PCDH15: variants seen among roughly 807,000 people sequenced by gnomAD.
PCDH15 encodes the protein protocadherin related 15, also known as protocadherin-15.
In PCDH15, 129 loss-of-function variants were observed where a neutral mutation model predicts 178.5. The observed-to-expected ratio is 0.72, with a 90% CI of 0.63 to 0.84. PCDH15 has a LOEUF of 0.84. Among genes scored for constraint, PCDH15 ranks in the 40% least tolerant of loss-of-function variants. PCDH15 has a pLI of 0.00. For missense variants in PCDH15, 2,230 were observed against 2,099.9 expected, an observed-to-expected ratio of 1.06 and a Z score of -1.21; for synonymous variants, 800 against 732.0, an observed-to-expected ratio of 1.09 and a Z score of -1.50.
At chr10:54,998,272 AT>A (rs1024667491) in intron 2 of PCDH15, among the ~76,000 whole-genome samples, 6 of 151,902 alleles carry the variant, frequency 3.9e-5, no homozygotes, top group African/African-American at 1.2e-4. Flanking sequence ...TAAGTCATAA[AT>A]TTTTTTTCCT....
intron 2 of PCDH15, among the ~76,000 whole-genome samples, chr10:55,151,554 C>T (rs554975739): frequency 6.6e-6 from 1 of 151,910 alleles, no homozygotes; most frequent in African/African-American, 2.4e-5. Flanking sequence ...AACAGACAGG[C>T]AAAATACCTT....
intron 2 of PCDH15, among the ~76,000 whole-genome samples, chr10:54,909,887 C>G (rs544476421): frequency 2.0e-5 from 3 of 152,126 alleles, no homozygotes; most frequent in Admixed American, 1.3e-4. Context: ...AGGCCCCTCA[C>G]GATGGCTCCC....
At chr10:55,392,416 T>C (rs918803945) in intron 2 of PCDH15, among the ~76,000 whole-genome samples, 14 of 152,170 alleles carry the variant, frequency 9.2e-5, no homozygotes, top group Admixed American at 2.6e-4. Flanking sequence ...TTAACTAAAG[T>C]TCATCTTTCA....
At chr10:54,190,837 C>T (rs1196699307) in intron 11 of PCDH15, among the ~76,000 whole-genome samples, 1 of 152,112 alleles carries the variant, frequency 6.6e-6, no homozygotes, top group East Asian at 1.9e-4. Context: ...ATAAATGGTG[C>T]TCGGTCTATA....
At chr10:55,496,164 T>C (rs971389988) in intron 2 of PCDH15, among the ~76,000 whole-genome samples, 4 of 151,812 alleles carry the variant, frequency 2.6e-5, no homozygotes, top group East Asian at 1.9e-4. Context: ...AATGGGTGAA[T>C]TGTATATGAG....
chr10:55,244,163 G>A (rs1268574295), intron 1 of PCDH15, among the ~76,000 whole-genome samples: 7 of 151,884 alleles, frequency 4.6e-5, no homozygotes, highest in Admixed American at 2.6e-4. Flanking sequence ...CTCATAGTTC[G>A]AAATGAAAAT....
chr10:54,493,779 A>G (rs1167159644), intron 3 of PCDH15, among the ~76,000 whole-genome samples: 7 of 152,128 alleles, frequency 4.6e-5, no homozygotes, highest in African/African-American at 9.7e-5. Context: ...ACAAAGACAC[A>G]TGCACACGTA....
intron 25 of PCDH15, among the ~76,000 whole-genome samples, chr10:53,930,618 T>G (rs935897251): frequency 6.6e-6 from 1 of 152,184 alleles, no homozygotes; most frequent in African/African-American, 2.4e-5. Context: ...TTGTTTTATC[T>G]GAGCTCTTTC....
intron 2 of PCDH15, among the ~76,000 whole-genome samples, chr10:55,094,210 C>T (rs1412168632): frequency 6.6e-6 from 1 of 152,026 alleles, no homozygotes; most frequent in African/African-American, 2.4e-5. Flanking sequence ...TACTATGCAG[C>T]CATAAAAAGG....
At chr10:54,945,351 T>TAGATATATAGATAGATA (rs36018565) in intron 2 of PCDH15, among the ~76,000 whole-genome samples, 4 of 138,106 alleles carry the variant, frequency 2.9e-5, no homozygotes, top group East Asian at 4.4e-4. Context: ...GATAGATAGA[T>TAGATATATAGATAGATA]GATAGATAGA....
rs551764069 is a variant in PCDH15 at position 54,903,754 on chromosome 10, A to G, written c.-79-6254T>C. 1.1e-4 allele frequency among the ~76,000 whole-genome samples: 16 copies of G among 152,256 alleles called. 1 individual carries two copies. In the South Asian group the frequency reaches 3.3e-3, roughly 32 times the overall value. On this transcript the variant is annotated intron_variant, in intron 2 of 5. Transcript: ENST00000458638. ...TTGTGCTAATTTTCTAAAACAACTC[A>G]GAGGAACCAAATCATTTTTTCCACA...
intron 10 of PCDH15, among the ~76,000 whole-genome samples, chr10:54,210,219 C>G (rs1170770686): frequency 6.7e-6 from 1 of 149,510 alleles, no homozygotes; most frequent in Admixed American, 6.6e-5. Flanking sequence ...TTTTTTTTTT[C>G]TGGACAGAGA....
intron 3 of PCDH15, among the ~76,000 whole-genome samples, chr10:54,472,712 C>T (rs1053285071): frequency 4.6e-5 from 7 of 151,964 alleles, no homozygotes; most frequent in South Asian, 4.2e-4. Context: ...TCAGGAAGGA[C>T]GTGGGGTCAA....
intron 9 of PCDH15, among the ~76,000 whole-genome samples, chr10:54,226,828 C>T (rs1051620637): frequency 3.3e-5 from 5 of 152,094 alleles, no homozygotes; most frequent in African/African-American, 4.8e-5. Flanking sequence ...TTGGCCAAAA[C>T]GAAGGGTCTA....
intron 6 of PCDH15, among the ~76,000 whole-genome samples, chr10:54,336,778 A>T (rs1214848358): frequency 6.6e-6 from 1 of 152,234 alleles, no homozygotes. Flanking sequence ...CCACTGGCGC[A>T]CTGCCTAGTG....
intron 2 of PCDH15, among the ~76,000 whole-genome samples, chr10:55,582,628 A>ATTTTTTTT (rs1554800566): frequency 7.2e-5 from 5 of 69,042 alleles, no homozygotes; most frequent in African/African-American, 2.0e-4. Flanking sequence ...ATATATATAT[A>ATTTTTTTT]TTTTTTTTTT....
chr10:54,117,490 G>C (rs2095136280), intron 15 of PCDH15, among the ~76,000 whole-genome samples: 1 of 152,146 alleles, frequency 6.6e-6, no homozygotes, highest in African/African-American at 2.4e-5. Flanking sequence ...TGGTGTCGGG[G>C]ATGGGGTGCC....
chr10:54,378,409 A>G (rs1948757151), intron 4 of PCDH15, among the ~76,000 whole-genome samples: 1 of 151,794 alleles, frequency 6.6e-6, no homozygotes, highest in Non-Finnish European at 1.5e-5. Context: ...GAGTGCACCC[A>G]CCAAACTACA....
chr10:54,957,625 G>A (rs1445237779), intron 2 of PCDH15, among the ~76,000 whole-genome samples: 1 of 151,508 alleles, frequency 6.6e-6, no homozygotes, highest in Non-Finnish European at 1.5e-5. Flanking sequence ...CAAGCAGAAT[G>A]GTACTGGGGT....
Sources: allele counts gnomAD v4.1 joint callset (sites outside exome capture counted in the v4.1 genomes callset), GRCh38; gene constraint gnomAD v4.1.1; transcripts MANE v1.5; gene names NCBI Gene and HGNC (gene_info 2026-07-23, HGNC 2026-07-21).